Variants in SDK1 observed in about 807,000 individuals in gnomAD.
SDK1 encodes the protein protein sidekick-1.
Under a neutral mutation model 245.5 loss-of-function variants are expected in SDK1, and 157 were observed. The observed-to-expected ratio is 0.64, with a 90% CI of 0.56 to 0.73. The LOEUF (loss-of-function observed/expected upper bound fraction) is 0.73, where lower values mean the gene tolerates loss of function less well. SDK1 is among the 30% of genes least tolerant of loss of function. The pLI is 0.00. For missense variants in SDK1, 3,583 were observed against 3,002.3 expected, an observed-to-expected ratio of 1.19 and a Z score of -4.52; for synonymous variants, 1,647 against 1,278.5, an observed-to-expected ratio of 1.29 and a Z score of -6.15.
intron 1 of SDK1, among the ~76,000 whole-genome samples, chr7:3,610,568 C>A (rs1387878931): frequency 6.6e-6 from 1 of 152,132 alleles, no homozygotes; most frequent in African/African-American, 2.4e-5. Context: ...AATTTATATA[C>A]TGAAATAGAT....
Position 4,026,474 on chromosome 7 carries a change from C to T in SDK1, c.2602+9122C>T, listed in dbSNP as rs143025655. 0.015 allele frequency among the ~76,000 whole-genome samples: 2,312 copies of T among 152,344 alleles called. 28 individuals carry two copies. Among genetic ancestry groups the T allele is most frequent in the Non-Finnish European group, 0.025 (1,726 of 68,032 alleles). On this transcript the variant is annotated intron_variant, in intron 17 of 44. Transcript: ENST00000404826. This position sits in a 1 kb window ranked among gnomAD's most constrained non-coding sequence, Gnocchi z 4.1. Reference sequence around the variant, plus strand: ...ACTGGCTTCACGAGGGCCCGGTGTGCAGACAGCCTGCCAGGGCCTGCGGGC... The same window carrying T: ...ACTGGCTTCACGAGGGCCCGGTGTGTAGACAGCCTGCCAGGGCCTGCGGGC...
chr7:3,861,944 C>A (rs1780703710), intron 5 of SDK1, among the ~76,000 whole-genome samples: 1 of 152,208 alleles, frequency 6.6e-6, no homozygotes, highest in South Asian at 2.1e-4. Context: ...TACACAAAAA[C>A]CTGCAGAGCA....
intron 4 of SDK1, among the ~76,000 whole-genome samples, chr7:3,763,956 C>T (rs75736335): frequency 0.02 from 3,102 of 152,220 alleles, 99 homozygotes; most frequent in African/African-American, 0.072. Flanking sequence ...TTCTCTCATG[C>T]CCCTTCCCAG....
At chr7:3,978,027 A>G (rs73673203) in intron 13 of SDK1, among the ~76,000 whole-genome samples, 12,292 of 152,084 alleles carry the variant, frequency 0.081, 1,663 homozygotes, top group African/African-American at 0.28. Context: ...TGAGTACCCA[A>G]AGCCCTCATC....
chr7:4,109,595 A>G (rs563264670), intron 22 of SDK1, among the ~76,000 whole-genome samples: 49 of 152,322 alleles, frequency 3.2e-4, no homozygotes, highest in Admixed American at 1.7e-3. Context: ...CCAGAGCCAC[A>G]CGGCCACACG....
At chr7:3,352,184 A>T (rs1037779993) in intron 1 of SDK1, among the ~76,000 whole-genome samples, 2 of 150,414 alleles carry the variant, frequency 1.3e-5, no homozygotes, top group Non-Finnish European at 3.0e-5. Flanking sequence ...GTTTTACAAA[A>T]TGGAAAAATC....
chr7:3,544,482 C>G (rs764726873), intron 1 of SDK1, among the ~76,000 whole-genome samples: 33 of 152,214 alleles, frequency 2.2e-4, no homozygotes, highest in Non-Finnish European at 4.6e-4. Flanking sequence ...TTCCCAGTCA[C>G]TTCTGCTCTC....
chr7:3,350,496 T>C (rs957614078), intron 1 of SDK1, among the ~76,000 whole-genome samples: 2 of 152,206 alleles, frequency 1.3e-5, no homozygotes, highest in Admixed American at 6.5e-5. Flanking sequence ...TATTCAGTCT[T>C]CTTGGTGGTT....
At chr7:4,204,536 G>T (rs1329569398) in intron 35 of SDK1, among the ~76,000 whole-genome samples, 1 of 152,104 alleles carries the variant, frequency 6.6e-6, no homozygotes, top group Non-Finnish European at 1.5e-5. Flanking sequence ...GTGGGGAGGG[G>T]GTGATGGGGA....
At chr7:4,205,846 T>C in intron 35 of SDK1, 33 bp from the exon 36 acceptor site, 1 of 1,516,418 alleles carries the variant, frequency 6.6e-7, no homozygotes, top group Non-Finnish European at 9.0e-7. Flanking sequence ...TGAATGAACG[T>C]CTCAGCTTCT....
rs75201204 is a variant in SDK1 at position 4,087,823 on chromosome 7, G to T, written c.3324+8239G>T. 8.3e-4 allele frequency among the ~76,000 whole-genome samples: 126 copies of T among 152,312 alleles called. 1 individual carries two copies. Among genetic ancestry groups the T allele is most frequent in the African/African-American group, 2.9e-3 (121 of 41,568 alleles). On this transcript the variant is annotated intron_variant, in intron 22 of 44. Coordinates refer to ENST00000404826, the MANE Select transcript of SDK1 (RefSeq NM_152744.4). ...TGCTTCTTAACTTCTTTGTGAGCCT[G>T]AATTTCCATCTGGAGAATGGGGTCA...
intron 1 of SDK1, among the ~76,000 whole-genome samples, chr7:3,456,182 T>C (rs758084531): frequency 1.3e-5 from 2 of 152,210 alleles, no homozygotes; most frequent in Non-Finnish European, 2.9e-5. Flanking sequence ...TATTAATTTG[T>C]CTTGCTATGT....
At chr7:3,612,804 C>T (rs1781643028) in intron 1 of SDK1, among the ~76,000 whole-genome samples, 1 of 152,112 alleles carries the variant, frequency 6.6e-6, no homozygotes, top group Non-Finnish European at 1.5e-5. Flanking sequence ...TTCTGGTCCT[C>T]CCGGCTGGAC....
At chr7:4,100,166 A>C (rs1584128482) in intron 22 of SDK1, among the ~76,000 whole-genome samples, 2 of 152,128 alleles carry the variant, frequency 1.3e-5, no homozygotes, top group African/African-American at 4.8e-5. Flanking sequence ...TGGCACAGGG[A>C]GTGTCAACGT....
chr7:3,692,190 C>T (rs1191885814), intron 4 of SDK1, among the ~76,000 whole-genome samples: 1 of 152,022 alleles, frequency 6.6e-6, no homozygotes, highest in Non-Finnish European at 1.5e-5. Flanking sequence ...TTTCAAGTTT[C>T]CATTTTTTCT....
At chr7:3,859,535 A>G (rs1293457054) in intron 5 of SDK1, among the ~76,000 whole-genome samples, 1 of 152,122 alleles carries the variant, frequency 6.6e-6, no homozygotes, top group Non-Finnish European at 1.5e-5. Flanking sequence ...CTGCTCTACC[A>G]TTCTCAGCAT....
At chr7:3,748,642 G>C (rs1166783584) in intron 4 of SDK1, among the ~76,000 whole-genome samples, 1 of 152,080 alleles carries the variant, frequency 6.6e-6, no homozygotes, top group Non-Finnish European at 1.5e-5. Flanking sequence ...TCTAATACAT[G>C]TTCAGTTTCC....
Position 4,079,448 on chromosome 7 carries a change from C to T in SDK1, c.3203-15C>T. 6.2e-7 allele frequency: 1 copy of T among 1,613,950 alleles called. No homozygotes were observed. Among genetic ancestry groups the T allele is most frequent in the Non-Finnish European group, 8.5e-7 (1 of 1,179,838 alleles). On this transcript the variant is annotated splice_polypyrimidine_tract_variant and intron_variant, in intron 21 of 44. Coordinates refer to ENST00000404826, the MANE Select transcript of SDK1 (RefSeq NM_152744.4). ...GACTGTAAATCTCTCCCTTTCCTCCCTGGTTCCTCTCTAGACCTTCCTGGT... is the reference window on the plus strand; with the variant it reads ...GACTGTAAATCTCTCCCTTTCCTCCTTGGTTCCTCTCTAGACCTTCCTGGT...
At chr7:4,034,784 T>A (rs1412158199) in intron 17 of SDK1, among the ~76,000 whole-genome samples, 8 of 152,156 alleles carry the variant, frequency 5.3e-5, no homozygotes, top group African/African-American at 1.9e-4. Flanking sequence ...TGCCCATCAT[T>A]AAGAGACCGA....
Sources: gnomAD v4.1 joint callset for allele counts (sites outside exome capture counted in the v4.1 genomes callset) on GRCh38, gnomAD v4.1.1 for gene constraint, Gnocchi (gnomAD v3.1) non-coding constraint, MANE v1.5 for transcripts, NCBI Gene and HGNC (gene_info 2026-07-23, HGNC 2026-07-21) for gene names.